PTPRS: variants seen among roughly 807,000 people sequenced by gnomAD.
The protein encoded by PTPRS is protein tyrosine phosphatase receptor type S.
Under a neutral mutation model 215.3 loss-of-function variants are expected in PTPRS, and 63 were observed. The observed-to-expected ratio is 0.29, with a 90% confidence interval of 0.24 to 0.36. The LOEUF (loss-of-function observed/expected upper bound fraction) is 0.36. Ranked by LOEUF, PTPRS falls within the 10% of genes least tolerant of loss-of-function variation. The probability of loss-of-function intolerance (pLI) is 1.00; values close to 1 mark genes in which losing one functional copy is unlikely to be tolerated. For synonymous variants in PTPRS, 1,404 were observed against 1,191.4 expected (o/e 1.18, Z -3.68); for missense variants, 2,258 against 2,825.8 (o/e 0.80, Z 4.56).
intron 14 of PTPRS, 138 bp downstream of exon 14, chr19:5,231,172 G>C (rs2042979310): frequency 1.1e-6 from 1 of 920,584 alleles, no homozygotes; most frequent in African/African-American, 1.7e-5. Flanking sequence ...ATTTCTCGGG[G>C]AGGCTGCTTG....
Position 5,223,045 on chromosome 19 carries a change from T to G in PTPRS, c.2747A>C (p.Glu916Ala), listed in dbSNP as rs527272427. ...CGGGATGCTCAGGACCTCGGCTGCCTCCTCGCCCAGGCCGCCGCGGCTCCG... is the reference window on the plus strand; with the variant it reads ...CGGGATGCTCAGGACCTCGGCTGCCGCCTCGCCCAGGCCGCCGCGGCTCCG... ...AARSRGGLGE[E>A]AAEVLSIPED... The change falls in exon 18 of 38, where the codon GAG (glutamate) becomes GCG (alanine). Residue 916 changes from glutamate to alanine, a missense_variant. Around this residue, in one of 6 missense-constraint regions of PTPRS, gnomAD observed 361 missense variants for 332.6 expected, o/e 1.09. Coordinates refer to ENST00000262963, the MANE Select transcript of PTPRS (RefSeq NM_002850.4). 6 of 1,548,504 alleles carry G rather than the reference T, an allele frequency of 3.9e-6. No individual in the cohort carries two copies. In the African/African-American group the frequency reaches 5.5e-5, roughly 14 times the overall value.
intron 4 of PTPRS, among the ~76,000 whole-genome samples, chr19:5,269,983 C>T (rs536228286): frequency 3.3e-5 from 5 of 151,158 alleles, no homozygotes; most frequent in African/African-American, 9.7e-5. Flanking sequence ...TCCCAGACTC[C>T]GGGGGACCGG....
At position 5,206,730 on chromosome 19, in the gene PTPRS, G is replaced by A. The variant is rs752614779; in HGVS notation, c.*44C>T. 5.1e-6 allele frequency: 8 copies of A among 1,577,420 alleles called. No individual in the cohort carries two copies. In the Admixed American group the frequency reaches 6.7e-5, roughly 13 times the overall value. ...AGGAGGTCCGCCCGGGAGGGGCAGA[G>A]GCATCCGGGGCCAGTGGTGTCGGGC... On this transcript the variant is annotated 3_prime_UTR_variant, in exon 38 of 38. Coordinates refer to ENST00000262963, the MANE Select transcript of PTPRS (RefSeq NM_002850.4).
Position 5,206,807 on chromosome 19 carries a change from C to T in PTPRS, c.5814G>A (p.Glu1938=), listed in dbSNP as rs559244296. The part of the protein sequence containing the change: ...EYQFCYQAAL[E]YLGSFDHYAT ...CATAGTGGTCAAAGCTTCCGAGGTA[C>T]TCCAGTGCCGCCTGGTAACAGAACT... The change falls in exon 38 of 38, where the codon GAG becomes GAA. Residue 1938 remains glutamate, a synonymous_variant. Coordinates refer to ENST00000262963, the MANE Select transcript of PTPRS (RefSeq NM_002850.4). 21 of 1,614,154 alleles carry T rather than the reference C, an allele frequency of 1.3e-5. No homozygotes were observed. In the South Asian group the frequency reaches 2.2e-4, roughly 17 times the overall value.
chr19:5,337,578 G>C (rs1022146940), intron 1 of PTPRS, among the ~76,000 whole-genome samples: 1 of 152,232 alleles, frequency 6.6e-6, no homozygotes, highest in African/African-American at 2.4e-5. Context: ...GGGAAACCAA[G>C]TCACCTCCCA....
chr19:5,316,130 C>T (rs1329357727), intron 1 of PTPRS, among the ~76,000 whole-genome samples: 1 of 152,072 alleles, frequency 6.6e-6, no homozygotes, highest in Non-Finnish European at 1.5e-5. Context: ...TACTACCCCA[C>T]CTGATGTGGA....
At chr19:5,252,574 CAAAAAAAAAAA>C (rs56215560) in intron 9 of PTPRS, among the ~76,000 whole-genome samples, 1 of 66,800 alleles carries the variant, frequency 1.5e-5, no homozygotes, top group African/African-American at 6.6e-5. Context: ...GAGATTCTGT[CAAAAAAAAAAA>C]AAAAAAAAAA....
chr19:5,249,596 A>T (rs1437617355), intron 9 of PTPRS, among the ~76,000 whole-genome samples: 1 of 152,066 alleles, frequency 6.6e-6, no homozygotes. Flanking sequence ...GATTACGGCC[A>T]AGTATCAATC....
At chr19:5,304,495 A>G (rs1333613816) in intron 1 of PTPRS, among the ~76,000 whole-genome samples, 1 of 151,724 alleles carries the variant, frequency 6.6e-6, no homozygotes, top group Non-Finnish European at 1.5e-5. Flanking sequence ...ATAAAAATAC[A>G]AAAATTAGCC....
In PTPRS at chr19:5,293,803, TG is replaced by T; in HGVS notation, c.-94-7570del. Among the ~76,000 whole-genome samples, 1 of 151,248 alleles carries T rather than the reference TG, an allele frequency of 6.6e-6. No individual in the cohort carries two copies. Among genetic ancestry groups the T allele is most frequent in the Non-Finnish European group, 1.5e-5 (1 of 67,694 alleles). The stretch of plus-strand genomic sequence containing the variant: ...CCCGCTGGGGGTCCAGGGGAATGAA[TG>T]GGGGGACACCGTGGCAGAGGCCCCC... On this transcript the variant is annotated intron_variant, in intron 1 of 37. Transcript: ENST00000262963. This position sits in a 1 kb window ranked among gnomAD's most constrained non-coding sequence, Gnocchi z 8.4.
At chr19:5,245,176 G>T (rs1330100684) in intron 10 of PTPRS, among the ~76,000 whole-genome samples, 2 of 147,424 alleles carry the variant, frequency 1.4e-5, no homozygotes, top group East Asian at 4.0e-4. Context: ...TTTCAGTAGA[G>T]ACAGGGTTTC....
intron 7 of PTPRS, 104 bp from the exon 8 acceptor site, chr19:5,258,231 C>A: frequency 1.0e-6 from 1 of 990,730 alleles, no homozygotes. Flanking sequence ...CCTGTGCTGG[C>A]TGGGCCAGAG....
At chr19:5,279,545 A>G (rs1224263378) in intron 2 of PTPRS, among the ~76,000 whole-genome samples, 1 of 151,226 alleles carries the variant, frequency 6.6e-6, no homozygotes, top group Non-Finnish European at 1.5e-5. Context: ...CTAATTTTTA[A>G]TCTTTTGCAG....
Position 5,244,579 on chromosome 19 carries a change from C to T in PTPRS, c.989-97G>A, listed in dbSNP as rs1226351241. The T allele has an allele frequency of 2.0e-6, 2 of 985,674 alleles. No individual in the cohort carries two copies. The highest frequency in any genetic ancestry group is 1.6e-5 in the African/African-American group (1 of 61,608). 61.1% of individuals were successfully genotyped at this position (985,674 alleles called of 1,614,324 possible). A position where few individuals can be genotyped will look rare whatever the true frequency, so the allele number is the denominator to read the frequency against. Reference sequence around the variant, plus strand: ...CACCATTCAGTCGCCTTCTCTGAGCCTTGATTTGCCCAGCAGTAATCATGG... The same window carrying T: ...CACCATTCAGTCGCCTTCTCTGAGCTTTGATTTGCCCAGCAGTAATCATGG... On this transcript the variant is annotated intron_variant, in intron 10 of 37. Coordinates refer to ENST00000262963, the MANE Select transcript of PTPRS (RefSeq NM_002850.4). The surrounding 1 kb of genome is among the most constrained non-coding windows in gnomAD (Gnocchi z 7.2).
At chr19:5,313,059 C>T (rs571400885) in intron 1 of PTPRS, among the ~76,000 whole-genome samples, 3 of 152,158 alleles carry the variant, frequency 2.0e-5, no homozygotes, top group Non-Finnish European at 4.4e-5. Flanking sequence ...GAATAACAGG[C>T]GCACGCCACC....
At chr19:5,317,685 A>G (rs2049914549) in intron 1 of PTPRS, among the ~76,000 whole-genome samples, 1 of 152,128 alleles carries the variant, frequency 6.6e-6, no homozygotes, top group Admixed American at 6.6e-5. Context: ...CATCTCAAAT[A>G]AGAGAACCCA....
Position 5,218,921 on chromosome 19 carries a change from C to T in PTPRS, c.3924-123G>A, listed in dbSNP as rs957608507. 9.5e-6 allele frequency: 10 copies of T among 1,057,238 alleles called. No homozygotes were observed. In the Admixed American group the frequency reaches 1.3e-4, roughly 14 times the overall value. The allele number at this position is 1,057,238 out of a possible 1,614,324, so 65.5% of individuals were successfully genotyped here. A position where few individuals can be genotyped will look rare whatever the true frequency, so the allele number is the denominator to read the frequency against. ...TTCCTTAACCTCTGTGAGCTTTGGTCTCCTCTGGAAAATGGTGCTCATATT... is the reference window on the plus strand; with the variant it reads ...TTCCTTAACCTCTGTGAGCTTTGGTTTCCTCTGGAAAATGGTGCTCATATT... On this transcript the variant is annotated intron_variant, in intron 23 of 37. Coordinates refer to ENST00000262963, the MANE Select transcript of PTPRS (RefSeq NM_002850.4).
intron 1 of PTPRS, among the ~76,000 whole-genome samples, chr19:5,310,019 G>C (rs959748949): frequency 9.2e-5 from 14 of 152,126 alleles, no homozygotes; most frequent in Non-Finnish European, 1.9e-4. Context: ...ACAAGGGCCT[G>C]CACAACCTGC....
intron 2 of PTPRS, among the ~76,000 whole-genome samples, chr19:5,276,426 T>C (rs938031720): frequency 6.6e-6 from 1 of 152,144 alleles, no homozygotes; most frequent in African/African-American, 2.4e-5. Flanking sequence ...TTTCACCATG[T>C]TGGCCAGGGT....
Sources: gnomAD v4.1 joint callset for allele counts (sites outside exome capture counted in the v4.1 genomes callset) on GRCh38, gnomAD v4.1.1 for gene constraint, gnomAD v4.1.1 regional missense constraint, Gnocchi (gnomAD v3.1) non-coding constraint, MANE v1.5 for transcripts, NCBI Gene and HGNC (gene_info 2026-07-23, HGNC 2026-07-21) for gene names.